The following ZMYND19 variants were observed in gnomAD, a reference collection of about 807,000 sequenced individuals.
ZMYND19 encodes the protein zinc finger MYND-type containing 19.
A neutral mutation model predicts 32.0 loss-of-function variants in ZMYND19; 17 were observed. The ratio of observed to expected loss-of-function variants is 0.53; its 90% confidence interval spans 0.36 to 0.80. The LOEUF is 0.80. Among genes scored for constraint, ZMYND19 ranks in the 30% least tolerant of loss-of-function variants. ZMYND19 has a pLI of 0.00. For missense variants in ZMYND19, 250 were observed against 293.6 expected (o/e 0.85, Z 1.09); for synonymous variants, 124 against 113.6 (o/e 1.09, Z -0.58).
chr9:137,585,967 G>C (rs562640270), intron 4 of ZMYND19, among the ~76,000 whole-genome samples: 1 of 152,256 alleles, frequency 6.6e-6, no homozygotes, highest in South Asian at 2.1e-4. Context: ...TCAGTGAAGC[G>C]TGTGTGGCTG....
At chr9:137,587,321 G>A (rs1842216932) in intron 3 of ZMYND19, 1 of 756,798 alleles carries the variant, frequency 1.3e-6, no homozygotes, top group Non-Finnish European at 2.1e-6. Context: ...CAGGGACACA[G>A]GGAGGACCCG....
Position 137,590,469 on chromosome 9 carries a change from G to GCCGCCGCCGCCACCGCCA in ZMYND19, c.-224_-207dup, listed in dbSNP as rs1554815662. The GCCGCCGCCGCCACCGCCA allele has an allele frequency of 1.8e-5, 3 of 163,796 alleles. No homozygotes were observed. The highest frequency in any genetic ancestry group is 1.4e-4 in the Admixed American group (2 of 14,752). 10.1% of individuals were successfully genotyped at this position (163,796 alleles called of 1,614,324 possible). A position where few individuals can be genotyped will look rare whatever the true frequency, so the allele number is the denominator to read the frequency against. ...CCCGCCGGACCTGCCACGCGCCGCC[G>GCCGCCGCCGCCACCGCCA]CCGCCGCCGCCACCGCCACCGCGCG... is the stretch of plus-strand genomic sequence containing the variant. On this transcript the variant is annotated 5_prime_UTR_variant, in exon 1 of 6. Coordinates refer to ENST00000298585, the MANE Select transcript of ZMYND19 (RefSeq NM_138462.3). This position sits in a 1 kb window ranked among gnomAD's most constrained non-coding sequence, Gnocchi z 4.2.
intron 4 of ZMYND19, among the ~76,000 whole-genome samples, chr9:137,585,563 A>G (rs1226473736): frequency 1.3e-5 from 2 of 152,094 alleles, no homozygotes; most frequent in African/African-American, 4.8e-5. Context: ...CACCAGCCCA[A>G]CAAGAACGAA....
chr9:137,587,089 G>GC lies in ZMYND19; in HGVS notation c.236dup (p.Val80ArgfsTer34), dbSNP rs753541275. 24 of 1,606,824 alleles carry GC rather than the reference G, an allele frequency of 1.5e-5. No homozygotes were observed. Among genetic ancestry groups the GC allele is most frequent in the South Asian group, 1.1e-5 (1 of 91,064 alleles). ...GCACCACCTGGAAGCCCGGGGCCAC[G>GC]CCCCCCCGGTGCCGCTCCCTAGAAA... On this transcript the variant is annotated frameshift_variant, in exon 4 of 6. Transcript: ENST00000298585. LOFTEE classifies it high-confidence loss of function.
At chr9:137,589,723 A>G in intron 1 of ZMYND19, 10 of 985,490 alleles carry the variant, frequency 1.0e-5, no homozygotes, top group Non-Finnish European at 1.1e-5. Flanking sequence ...ACGAGCCTGA[A>G]GCCCTGCTGA....
intron 4 of ZMYND19, among the ~76,000 whole-genome samples, chr9:137,584,440 A>T (rs1842181559): frequency 6.6e-6 from 1 of 152,142 alleles, no homozygotes; most frequent in Non-Finnish European, 1.5e-5. Flanking sequence ...TCCTCTCCTG[A>T]TTATAAAGGG....
intron 1 of ZMYND19, 200 bp from the exon 2 acceptor site, chr9:137,588,918 AG>A (rs2133303778): frequency 1.7e-6 from 1 of 577,700 alleles, no homozygotes; most frequent in South Asian, 2.1e-5. Flanking sequence ...GACAAAACAC[AG>A]GCAGACAGGT....
chr9:137,582,956 G>A, intron 5 of ZMYND19, 27 bp downstream of exon 5: 1 of 1,610,780 alleles, frequency 6.2e-7, no homozygotes, highest in Non-Finnish European at 8.5e-7. Flanking sequence ...AGGTGCCAGG[G>A]ACGCGACCGC....
At chr9:137,588,577 A>G in intron 2 of ZMYND19, 82 bp downstream of exon 2, 2 of 1,489,454 alleles carry the variant, frequency 1.3e-6, no homozygotes, top group Non-Finnish European at 1.9e-6. Context: ...CTCTTGCAGC[A>G]CAGGGGAGAG....
intron 5 of ZMYND19, 40 bp downstream of exon 5, chr9:137,582,943 T>C (rs1588971996): frequency 6.2e-7 from 1 of 1,606,640 alleles, no homozygotes. Flanking sequence ...GGCTACAGGG[T>C]AGAGGTGCCA....
intron 4 of ZMYND19, among the ~76,000 whole-genome samples, chr9:137,583,634 T>TGCTGTACAGAACAGGCCCTGGAGCGA (rs71493679): frequency 0.3 from 45,794 of 152,048 alleles, 8,144 homozygotes; most frequent in African/African-American, 0.49. Context: ...CAAAGGCATG[T>TGCTGTACAGAACAGGCCCTGGAGCGA]GCACTGGCTG....
intron 3 of ZMYND19, 35 bp downstream of exon 3, chr9:137,587,682 G>C (rs778467813): frequency 6.3e-7 from 1 of 1,593,820 alleles, no homozygotes; most frequent in Non-Finnish European, 8.6e-7. Context: ...CAGGAGCCCA[G>C]TGGCGGGGGG....
chr9:137,584,763 T>C (rs1447182874), intron 4 of ZMYND19, among the ~76,000 whole-genome samples: 1 of 152,138 alleles, frequency 6.6e-6, no homozygotes, highest in East Asian at 1.9e-4. Flanking sequence ...ATCCCAGGGC[T>C]TCCCCAGACA....
chr9:137,583,166 TAAAG>T lies in ZMYND19; in HGVS notation c.360-7_360-4del. On this transcript the variant is annotated splice_region_variant and splice_polypyrimidine_tract_variant and intron_variant, in intron 4 of 5. Transcript: ENST00000298585. ...CAAGCCAATACAAGCTTTGCTCCCTTAAAGAAAGAAGCAGACACTTGAGTGCACT... is the reference window on the plus strand; with the variant it reads ...CAAGCCAATACAAGCTTTGCTCCCTTAAAGAAGCAGACACTTGAGTGCACT... 6.2e-7 allele frequency: 1 copy of T among 1,613,374 alleles called. No homozygotes were observed. The highest frequency in any genetic ancestry group is 8.5e-7 in the Non-Finnish European group (1 of 1,179,652).
At chr9:137,585,975 CT>C (rs1842199828) in intron 4 of ZMYND19, among the ~76,000 whole-genome samples, 2 of 152,236 alleles carry the variant, frequency 1.3e-5, no homozygotes, top group East Asian at 3.8e-4. Flanking sequence ...GCGTGTGTGG[CT>C]GGGGACTCCC....
At chr9:137,585,431 A>C (rs1842193665) in intron 4 of ZMYND19, among the ~76,000 whole-genome samples, 2 of 151,374 alleles carry the variant, frequency 1.3e-5, no homozygotes, top group African/African-American at 4.9e-5. Flanking sequence ...AAAAAAAAAA[A>C]AAAATGCTGA....
rs1170565683 is a variant in ZMYND19 at position 137,589,754 on chromosome 9, G to C, written c.51+459C>G. On this transcript the variant is annotated intron_variant, in intron 1 of 5. Transcript: ENST00000298585. Reference sequence around the variant, plus strand: ...GCTGAGAACTGGGAGGCACAGAAGAGCCCACACCAGACCCGCCTCGGCGAG... The same window carrying C: ...GCTGAGAACTGGGAGGCACAGAAGACCCCACACCAGACCCGCCTCGGCGAG... The C allele has an allele frequency of 6.1e-6, 6 of 985,494 alleles. No homozygotes were observed. The East Asian group carries it at 6.8e-4, about 112-fold the overall frequency. The allele number at this position is 985,494 out of a possible 1,614,324, so 61.0% of individuals were successfully genotyped here. A position where few individuals can be genotyped will look rare whatever the true frequency, so the allele number is the denominator to read the frequency against.
chr9:137,586,921 T>G, intron 4 of ZMYND19, 46 bp downstream of exon 4: 1 of 1,607,752 alleles, frequency 6.2e-7, no homozygotes, highest in Non-Finnish European at 8.5e-7. Flanking sequence ...GTGGCCCTCC[T>G]CAAAAGGCGC....
chr9:137,583,115 A>G lies in ZMYND19; in HGVS notation c.408T>C (p.Pro136=), dbSNP rs1158293695. ...TTAGGACAGGAAACTGTTCTTCTAT[A>G]GGGTCTGTAGGCAGCTGCTGAATTG... ...WLAIQQLPTD[P]IEEQFPVLNV... is the part of the protein sequence containing the mutation. Residue 136 remains proline, a synonymous_variant, in exon 5 of 6, where the codon CCT becomes CCC. Transcript: ENST00000298585. The G allele has an allele frequency of 1.2e-6, 2 of 1,614,042 alleles. No homozygotes were observed. The highest frequency in any genetic ancestry group is 2.7e-5 in the African/African-American group (2 of 74,936).
Sources: gnomAD v4.1 joint callset for allele counts (sites outside exome capture counted in the v4.1 genomes callset) on GRCh38, gnomAD v4.1.1 for gene constraint, Gnocchi (gnomAD v3.1) non-coding constraint, MANE v1.5 for transcripts, NCBI Gene and HGNC (gene_info 2026-07-23, HGNC 2026-07-21) for gene names.